GSG1L: variants seen among roughly 807,000 people sequenced by gnomAD.
GSG1L encodes GSG1 like, also known as germ cell-specific gene 1-like protein.
In GSG1L, 24 loss-of-function variants were observed where a neutral mutation model predicts 42.1. That is an observed-to-expected ratio of 0.57 (90% confidence interval 0.41 to 0.80). The LOEUF is 0.80. Among genes scored for constraint, GSG1L ranks in the 30% least tolerant of loss-of-function variants. The pLI, the probability that GSG1L is intolerant of heterozygous loss-of-function variation, is 0.00. For missense variants in GSG1L, 445 were observed against 472.2 expected (o/e 0.94, Z 0.53); for synonymous variants, 215 against 203.5 (o/e 1.06, Z -0.48).
At chr16:27,984,945 A>G (rs1311263562) in intron 1 of GSG1L, among the ~76,000 whole-genome samples, 1 of 151,764 alleles carries the variant, frequency 6.6e-6, no homozygotes, top group Non-Finnish European at 1.5e-5. Flanking sequence ...TTTTGTAGAG[A>G]TGGGGTTTTG....
intron 1 of GSG1L, among the ~76,000 whole-genome samples, chr16:27,967,598 G>A (rs2085149700): frequency 6.6e-6 from 1 of 152,226 alleles, no homozygotes; most frequent in Non-Finnish European, 1.5e-5. Context: ...AGAGATGTTT[G>A]CTGACAGCCA....
chr16:28,052,137 A>G (rs987341180), intron 1 of GSG1L, among the ~76,000 whole-genome samples: 2 of 151,948 alleles, frequency 1.3e-5, no homozygotes, highest in Non-Finnish European at 2.9e-5. Context: ...AGATGACTCC[A>G]AGGTCTTTTG....
chr16:27,981,756 TGGGCATTTG>T (rs1270932827), intron 1 of GSG1L, among the ~76,000 whole-genome samples: 3 of 152,216 alleles, frequency 2.0e-5, no homozygotes, highest in African/African-American at 7.2e-5. Context: ...ATACGTTGCT[TGGGCATTTG>T]GGGCATTTTG....
chr16:28,047,113 T>C (rs1038303076), intron 1 of GSG1L, among the ~76,000 whole-genome samples: 2 of 152,120 alleles, frequency 1.3e-5, no homozygotes, highest in African/African-American at 4.8e-5. Context: ...CCCATATGAA[T>C]AAAAACGGGG....
intron 3 of GSG1L, among the ~76,000 whole-genome samples, chr16:27,867,792 G>T (rs1295933234): frequency 7.2e-6 from 1 of 138,328 alleles, no homozygotes; most frequent in Non-Finnish European, 1.5e-5. Flanking sequence ...TCCTCCTGAG[G>T]CCACGCCCCC....
At chr16:27,940,541 A>G (rs1192307935) in intron 2 of GSG1L, among the ~76,000 whole-genome samples, 1 of 115,014 alleles carries the variant, frequency 8.7e-6, no homozygotes, top group South Asian at 2.9e-4. Flanking sequence ...TGATGAGTTC[A>G]TGTCCTTTGT....
At chr16:28,058,264 T>C (rs575244093) in intron 1 of GSG1L, among the ~76,000 whole-genome samples, 108 of 152,188 alleles carry the variant, frequency 7.1e-4, no homozygotes, top group Non-Finnish European at 1.1e-3. Context: ...TCTGTGCCTC[T>C]GTTTACTCAC....
intron 2 of GSG1L, among the ~76,000 whole-genome samples, chr16:27,939,014 G>A (rs993209382): frequency 6.6e-6 from 1 of 152,144 alleles, no homozygotes; most frequent in South Asian, 2.1e-4. Flanking sequence ...GGGACTCTGG[G>A]GAACTAACGG....
chr16:27,792,789 G>T lies in GSG1L; in HGVS notation c.899-1322C>A, dbSNP rs1394027760. 3.3e-5 allele frequency among the ~76,000 whole-genome samples: 5 copies of T among 152,184 alleles called. No individual in the cohort carries two copies. In the East Asian group the frequency reaches 9.6e-4, roughly 29 times the overall value. Reference sequence around the variant, plus strand: ...TGGAAGGTGCAAAACTAAGGGAGAGGGTTGGTGTGGTGGAGTGGGGCTGGG... The same window carrying T: ...TGGAAGGTGCAAAACTAAGGGAGAGTGTTGGTGTGGTGGAGTGGGGCTGGG... On this transcript the variant is annotated intron_variant, in intron 6 of 6. Coordinates refer to ENST00000447459, the MANE Select transcript of GSG1L (RefSeq NM_001109763.2).
At chr16:27,964,051 G>A (rs2085101052) in intron 1 of GSG1L, among the ~76,000 whole-genome samples, 1 of 152,142 alleles carries the variant, frequency 6.6e-6, no homozygotes, top group Admixed American at 6.5e-5. Context: ...TTTCCTCAAA[G>A]GCTAGAGGGA....
At chr16:27,967,416 C>T (rs1012145174) in intron 1 of GSG1L, among the ~76,000 whole-genome samples, 1 of 152,138 alleles carries the variant, frequency 6.6e-6, no homozygotes, top group African/African-American at 2.4e-5. Flanking sequence ...ATGGGTGAAC[C>T]CTGCTCTGTG....
intron 1 of GSG1L, among the ~76,000 whole-genome samples, chr16:27,979,440 C>T (rs889658415): frequency 1.3e-5 from 2 of 150,752 alleles, no homozygotes; most frequent in Non-Finnish European, 3.0e-5. Context: ...GTGGCAAGTG[C>T]CTGTAGTCCC....
At chr16:27,928,597 G>C (rs1403767169) in intron 2 of GSG1L, among the ~76,000 whole-genome samples, 1 of 152,232 alleles carries the variant, frequency 6.6e-6, no homozygotes, top group Non-Finnish European at 1.5e-5. Context: ...ACACCAGGGA[G>C]AGGCTTCTAA....
intron 2 of GSG1L, among the ~76,000 whole-genome samples, chr16:27,911,927 G>A (rs531974821): frequency 6.6e-6 from 1 of 152,306 alleles, no homozygotes; most frequent in South Asian, 2.1e-4. Flanking sequence ...AAGCTCCATG[G>A]AGGCAGGGGT....
chr16:27,949,697 G>A (rs181919789), intron 2 of GSG1L, among the ~76,000 whole-genome samples: 11 of 152,180 alleles, frequency 7.2e-5, no homozygotes, highest in East Asian at 3.9e-4. Context: ...AGGCCGAGGC[G>A]GGCGGATCAC....
intron 2 of GSG1L, among the ~76,000 whole-genome samples, chr16:27,947,120 T>C (rs1424835328): frequency 6.6e-6 from 1 of 152,062 alleles, no homozygotes; most frequent in East Asian, 1.9e-4. Flanking sequence ...CTGGAGCAAG[T>C]TTTGTTTTTG....
At chr16:27,927,554 C>T (rs557257027) in intron 2 of GSG1L, among the ~76,000 whole-genome samples, 2 of 152,238 alleles carry the variant, frequency 1.3e-5, no homozygotes, top group East Asian at 1.9e-4. Flanking sequence ...AGCCCTCCCT[C>T]GGACCCCTCA....
chr16:27,945,683 C>T (rs1187736903), intron 2 of GSG1L, among the ~76,000 whole-genome samples: 11 of 152,274 alleles, frequency 7.2e-5, no homozygotes, highest in Non-Finnish European at 2.9e-5. Context: ...GAGGGGGCTC[C>T]AGCCCTCTGG....
chr16:27,988,438 GTTAT>G lies in GSG1L; in HGVS notation c.350-25239_350-25236del, dbSNP rs140486944. ...AAAAGTAATTTTTTCTAGTTTAGAGGTTATTTAAAGGTTGATTCAAAATGAAGGA... is the reference window on the plus strand; with the variant it reads ...AAAAGTAATTTTTTCTAGTTTAGAGGTTAAAGGTTGATTCAAAATGAAGGA... On this transcript the variant is annotated intron_variant, in intron 1 of 6. Coordinates refer to ENST00000447459, the MANE Select transcript of GSG1L (RefSeq NM_001109763.2). Among the ~76,000 whole-genome samples the G allele has an allele frequency of 3.7e-3, 556 of 152,048 alleles. 1 individual carries two copies. Among genetic ancestry groups the G allele is most frequent in the African/African-American group, 0.013 (544 of 41,462 alleles).
Sources: allele counts gnomAD v4.1 joint callset (sites outside exome capture counted in the v4.1 genomes callset), GRCh38; gene constraint gnomAD v4.1.1; transcripts MANE v1.5; gene names NCBI Gene and HGNC (gene_info 2026-07-23, HGNC 2026-07-21).